ANXA10: variants seen among roughly 807,000 people sequenced by gnomAD.
ANXA10 encodes the protein annexin A10.
ANXA10 carries 49 observed loss-of-function variants against 53.5 expected under a neutral mutation model. That is an observed-to-expected ratio of 0.92 (90% CI 0.73 to 1.16). The LOEUF (loss-of-function observed/expected upper bound fraction) is 1.16. Among genes scored for constraint, ANXA10 ranks in the 50% most tolerant of loss-of-function variants. ANXA10 has a pLI of 0.00. For synonymous variants in ANXA10, 131 were observed against 128.9 expected, an observed-to-expected ratio of 1.02 and a Z score of -0.11; for missense variants, 393 against 394.4, an observed-to-expected ratio of 1.00 and a Z score of 0.03.
intron 2 of ANXA10, among the ~76,000 whole-genome samples, chr4:168,133,040 C>T (rs1228534797): frequency 6.6e-6 from 1 of 152,008 alleles, no homozygotes; most frequent in African/African-American, 2.4e-5. Flanking sequence ...ACAAGGTGAC[C>T]TCTGCCGTCT....
At chr4:168,092,943 T>C (rs1420929202) in intron 1 of ANXA10, among the ~76,000 whole-genome samples, 2 of 152,184 alleles carry the variant, frequency 1.3e-5, no homozygotes, top group African/African-American at 4.8e-5. Flanking sequence ...ACAAGATTTT[T>C]TTAATGCAAT....
At chr4:168,153,422 CAA>C (rs61179704) in intron 3 of ANXA10, among the ~76,000 whole-genome samples, 3,689 of 43,182 alleles carry the variant, frequency 0.085, 259 homozygotes, top group African/African-American at 0.27. Flanking sequence ...AAGCCTAAAG[CAA>C]AAAAAAAAAA....
chr4:168,142,222 G>A (rs940187767), intron 3 of ANXA10, among the ~76,000 whole-genome samples: 1 of 151,926 alleles, frequency 6.6e-6, no homozygotes, highest in Non-Finnish European at 1.5e-5. Flanking sequence ...CTAGCCATCT[G>A]CCTACACATA....
intron 3 of ANXA10, among the ~76,000 whole-genome samples, chr4:168,148,570 C>A (rs1731442607): frequency 6.6e-6 from 1 of 152,152 alleles, no homozygotes; most frequent in Admixed American, 6.5e-5. Context: ...CTGTAATTGA[C>A]ATAGGAGCTG....
At chr4:168,136,830 C>A (rs1233166578) in intron 2 of ANXA10, among the ~76,000 whole-genome samples, 1 of 152,214 alleles carries the variant, frequency 6.6e-6, no homozygotes, top group Non-Finnish European at 1.5e-5. Flanking sequence ...CATTTTTCCC[C>A]CACACTGCCT....
chr4:168,150,879 C>T (rs139528325), intron 3 of ANXA10, among the ~76,000 whole-genome samples: 88 of 152,184 alleles, frequency 5.8e-4, no homozygotes, highest in African/African-American at 2.0e-3. Flanking sequence ...AAAGGAGAGG[C>T]AGTGTAAGAG....
Position 168,165,389 on chromosome 4 carries a change from C to CAAAAA in ANXA10, c.480+76_480+80dup, listed in dbSNP as rs33925175. On this transcript the variant is annotated intron_variant, in intron 6 of 11. Transcript: ENST00000359299. ...TAAGCAAATAAGTATATGTCATTGC[C>CAAAAA]AAAAAAAAAAAAAAAAATAGAACAG... 372 of 399,806 alleles carry CAAAAA rather than the reference C, an allele frequency of 9.3e-4. 4 individuals are homozygous for CAAAAA. The East Asian group carries it at 0.012, about 13-fold the overall frequency. The allele number at this position is 399,806 out of a possible 1,614,324, so 24.8% of individuals were successfully genotyped here. A position where few individuals can be genotyped will look rare whatever the true frequency, so the allele number is the denominator to read the frequency against.
chr4:168,162,219 T>C (rs1731797138), intron 3 of ANXA10, among the ~76,000 whole-genome samples: 1 of 152,190 alleles, frequency 6.6e-6, no homozygotes, highest in Admixed American at 6.5e-5. Context: ...TGTTTTTAAG[T>C]TTAACTTTTA....
intron 6 of ANXA10, among the ~76,000 whole-genome samples, chr4:168,167,641 G>T (rs1731904666): frequency 6.6e-6 from 1 of 152,218 alleles, no homozygotes; most frequent in East Asian, 1.9e-4. Context: ...AGTTTGTAAT[G>T]TCTTTGAAAA....
At chr4:168,186,770 G>T (rs1348060805) in intron 11 of ANXA10, among the ~76,000 whole-genome samples, 3 of 152,066 alleles carry the variant, frequency 2.0e-5, no homozygotes, top group Non-Finnish European at 4.4e-5. Context: ...ATGTAAAAGA[G>T]TATTTTTATT....
At chr4:168,140,869 C>T (rs764035731) in intron 3 of ANXA10, among the ~76,000 whole-genome samples, 5 of 152,194 alleles carry the variant, frequency 3.3e-5, no homozygotes, top group South Asian at 4.1e-4. Flanking sequence ...GTCTGCCCAC[C>T]TCGGCCTCCC....
intron 3 of ANXA10, among the ~76,000 whole-genome samples, chr4:168,145,072 A>T (rs1422004458): frequency 2.0e-5 from 3 of 152,128 alleles, no homozygotes; most frequent in Non-Finnish European, 4.4e-5. Flanking sequence ...AATCATAGGG[A>T]GTCAAAGCTG....
At chr4:168,115,497 GCACACACA>G (rs67627035) in intron 1 of ANXA10, among the ~76,000 whole-genome samples, 4,288 of 136,448 alleles carry the variant, frequency 0.031, 192 homozygotes, top group African/African-American at 0.1. Flanking sequence ...CAATACACAC[GCACACACA>G]CACACACACA....
chr4:168,164,066 C>T lies in ANXA10; in HGVS notation c.310-132C>T. On this transcript the variant is annotated intron_variant, in intron 4 of 11. Coordinates refer to ENST00000359299, the MANE Select transcript of ANXA10 (RefSeq NM_007193.5). Reference sequence around the variant, plus strand: ...CTGAAACTAAGATTGTGCCTGCCTTCATCCTAAACCACTTCCTTTCCCTGC... The same window carrying T: ...CTGAAACTAAGATTGTGCCTGCCTTTATCCTAAACCACTTCCTTTCCCTGC... 6 of 628,532 alleles carry T rather than the reference C, an allele frequency of 9.5e-6. No homozygotes were observed. In the South Asian group the frequency reaches 1.2e-4, roughly 13 times the overall value. The allele number at this position is 628,532 out of a possible 1,614,324, so 38.9% of individuals were successfully genotyped here. A position where few individuals can be genotyped will look rare whatever the true frequency, so the allele number is the denominator to read the frequency against.
chr4:168,102,856 T>G (rs1055286584), intron 1 of ANXA10, among the ~76,000 whole-genome samples: 4 of 152,114 alleles, frequency 2.6e-5, no homozygotes, highest in African/African-American at 9.7e-5. Context: ...TTTCCCAAAG[T>G]GACTATACAA....
intron 1 of ANXA10, among the ~76,000 whole-genome samples, chr4:168,107,414 T>C (rs1730736195): frequency 6.6e-6 from 1 of 152,186 alleles, no homozygotes; most frequent in Admixed American, 6.5e-5. Context: ...ACCTAAAATA[T>C]ATTTTTGAAC....
Position 168,103,841 on chromosome 4 carries a change from T to A in ANXA10, c.18+11123T>A, listed in dbSNP as rs1281149492. On this transcript the variant is annotated intron_variant, in intron 1 of 11. Coordinates refer to ENST00000359299, the MANE Select transcript of ANXA10 (RefSeq NM_007193.5). ...TCTTTTTAAATAACTGTCAGAAGTA[T>A]TCTGTTTCTTCTATTCCAATATGTA... Among the ~76,000 whole-genome samples, 16 of 151,914 alleles carry A rather than the reference T, an allele frequency of 1.1e-4. 1 individual carries two copies.
At chr4:168,180,838 A>G (rs532946948) in intron 9 of ANXA10, among the ~76,000 whole-genome samples, 200 of 152,284 alleles carry the variant, frequency 1.3e-3, no homozygotes, top group Non-Finnish European at 2.5e-3. Context: ...ATGATCATCA[A>G]CTGACTTCCA....
chr4:168,126,562 G>A (rs1414058490), intron 1 of ANXA10, among the ~76,000 whole-genome samples: 1 of 152,006 alleles, frequency 6.6e-6, no homozygotes. Context: ...TTCCCAGATC[G>A]CTTATTCATT....
Sources: gnomAD v4.1 joint callset for allele counts (sites outside exome capture counted in the v4.1 genomes callset) on GRCh38, gnomAD v4.1.1 for gene constraint, MANE v1.5 for transcripts, NCBI Gene and HGNC (gene_info 2026-07-23, HGNC 2026-07-21) for gene names.